Variants in PCDHGA4 observed in about 807,000 individuals in gnomAD.
PCDHGA4 encodes protocadherin gamma-A4.
PCDHGA4 carries 38 observed loss-of-function variants against 54.6 expected under a neutral mutation model. That is an observed-to-expected ratio of 0.70 (90% CI 0.54 to 0.91). The LOEUF is 0.91. Among genes scored for constraint, PCDHGA4 ranks in the 40% least tolerant of loss-of-function variants. The pLI is 0.00. For synonymous variants in PCDHGA4, 511 were observed against 512.9 expected, an observed-to-expected ratio of 1.00 and a Z score of 0.05; for missense variants, 1,298 against 1,220.9, an observed-to-expected ratio of 1.06 and a Z score of -0.94.
rs1459105534 is a variant in PCDHGA4 at position 141,366,603 on chromosome 5, C to T, written c.2514+8982C>T. 5 of 1,614,108 alleles carry T rather than the reference C, an allele frequency of 3.1e-6. No homozygotes were observed. The Admixed American group carries it at 8.3e-5, about 27-fold the overall frequency. ...CTGCAGACCTATTCCCACGAGGTCT[C>T]CCTCACCGCGGACTCGAGGAAGAGT... is the stretch of plus-strand genomic sequence containing the variant. On this transcript the variant is annotated intron_variant, in intron 1 of 3. Transcript: ENST00000571252.
At chr5:141,441,187 AT>A (rs1349788972) in intron 1 of PCDHGA4, 1 of 152,214 alleles carries the variant, frequency 6.6e-6, no homozygotes, top group Non-Finnish European at 1.5e-5. Context: ...TTCCACAATG[AT>A]TCCCAAAGAT....
chr5:141,356,020 A>G lies in PCDHGA4; in HGVS notation c.913A>G (p.Asn305Asp). The G allele has an allele frequency of 6.2e-7, 1 of 1,613,996 alleles. No individual in the cohort carries two copies. The highest frequency in any genetic ancestry group is 2.2e-5 in the East Asian group (1 of 44,886). Residue 305 changes from asparagine (N) to aspartate (D), a missense_variant, in exon 1 of 4, where the codon AAT (asparagine) becomes GAT (aspartate). Physicochemically the swap from Asn to Asp is conservative, Grantham distance 23. Coordinates refer to ENST00000571252, the MANE Select transcript of PCDHGA4 (RefSeq NM_018917.4). ...VKATDPDEGA[N>D]GDVTYSFRKV... ...AGCCACTGATCCAGATGAAGGAGCC[A>G]ATGGAGACGTGACGTATTCTTTCCG...
intron 1 of PCDHGA4, chr5:141,370,765 A>G: frequency 1.2e-6 from 2 of 1,614,018 alleles, no homozygotes; most frequent in South Asian, 1.1e-5. Flanking sequence ...GTGCTGATCC[A>G]GGATATTAAC....
chr5:141,388,404 C>T, intron 1 of PCDHGA4: 1 of 1,613,952 alleles, frequency 6.2e-7, no homozygotes, highest in Non-Finnish European at 8.5e-7. Context: ...CCAACTCAGT[C>T]CCAGTGATCA....
intron 1 of PCDHGA4, chr5:141,427,931 G>C: frequency 6.3e-7 from 1 of 1,583,764 alleles, no homozygotes; most frequent in Non-Finnish European, 8.6e-7. Flanking sequence ...GGCGCATGTT[G>C]GTGGGCGACC....
chr5:141,403,074 A>T (rs777613681), intron 1 of PCDHGA4: 1 of 1,614,088 alleles, frequency 6.2e-7, no homozygotes, highest in South Asian at 1.1e-5. Context: ...GAGACAGAAA[A>T]GGGCTATATT....
intron 1 of PCDHGA4, chr5:141,361,144 A>G: frequency 6.2e-7 from 1 of 1,613,986 alleles, no homozygotes; most frequent in South Asian, 1.1e-5. Flanking sequence ...CCAAGTTGAA[A>G]TTCTTGATGA....
At position 141,382,739 on chromosome 5, in the gene PCDHGA4, G is replaced by A. The variant is rs1005950630; in HGVS notation, c.2514+25118G>A. 8.7e-6 allele frequency: 5 copies of A among 573,776 alleles called. No homozygotes were observed. The African/African-American group carries it at 9.3e-5, about 11-fold the overall frequency. The allele number at this position is 573,776 out of a possible 1,614,324, so 35.5% of individuals were successfully genotyped here. On this transcript the variant is annotated intron_variant, in intron 1 of 3. Coordinates refer to ENST00000571252, the MANE Select transcript of PCDHGA4 (RefSeq NM_018917.4). ...ACCGAGTTTTACAGCACAGAGAAACGACAGATTGCGATAAGCCCTCTTCCA... is the reference window on the plus strand; with the variant it reads ...ACCGAGTTTTACAGCACAGAGAAACAACAGATTGCGATAAGCCCTCTTCCA...
chr5:141,484,236 G>C (rs1272971014), intron 1 of PCDHGA4, among the ~76,000 whole-genome samples: 2 of 152,132 alleles, frequency 1.3e-5, no homozygotes, highest in Non-Finnish European at 2.9e-5. Context: ...AAGAGATCTG[G>C]TCCTTAGCAC....
chr5:141,395,019 C>T (rs374672662), intron 1 of PCDHGA4: 5 of 1,613,986 alleles, frequency 3.1e-6, no homozygotes, highest in South Asian at 1.1e-5. Context: ...GGTAGGCGTG[C>T]CTGCCTCACA....
At chr5:141,479,273 T>G (rs1723290487) in intron 1 of PCDHGA4, 1 of 152,386 alleles carries the variant, frequency 6.6e-6, no homozygotes, top group South Asian at 2.1e-4. Context: ...AGTAATAATT[T>G]ATTTCAAAAA....
chr5:141,395,528 A>T, intron 1 of PCDHGA4: 1 of 368,434 alleles, frequency 2.7e-6, no homozygotes, highest in Non-Finnish European at 4.9e-6. Flanking sequence ...CCATACTGGT[A>T]ATTTTGCTAT....
intron 1 of PCDHGA4, chr5:141,478,121 G>A (rs1393103666): frequency 1.2e-6 from 2 of 1,613,918 alleles, no homozygotes; most frequent in South Asian, 1.1e-5. Flanking sequence ...AGTAACCGAG[G>A]ACTCTCCTGA....
intron 1 of PCDHGA4, chr5:141,395,075 C>A: frequency 6.2e-7 from 1 of 1,614,124 alleles, no homozygotes; most frequent in Non-Finnish European, 8.5e-7. Context: ...AGACCTATTC[C>A]CAGGAAGTCT....
intron 1 of PCDHGA4, chr5:141,422,889 G>A (rs62378455): frequency 0.035 from 55,863 of 1,614,202 alleles, 1,109 homozygotes; most frequent in Middle Eastern, 0.098. Context: ...TGTTCGTGCT[G>A]GACCAGAACG....
In PCDHGA4 at chr5:141,489,801, T is replaced by C. The variant is rs201458939; in HGVS notation, c.2515-5006T>C. 6.2e-7 allele frequency: 1 copy of C among 1,614,148 alleles called. No homozygotes were observed. On this transcript the variant is annotated intron_variant, in intron 1 of 3. Coordinates refer to ENST00000571252, the MANE Select transcript of PCDHGA4 (RefSeq NM_018917.4). The surrounding 1 kb of genome is among the most constrained non-coding windows in gnomAD (Gnocchi z 4.5). The stretch of plus-strand genomic sequence containing the variant: ...CTCTGAATGTGAAGACCCTAAAAGA[T>C]GGGAAGCCATTCCCAGAGCTGGTGC...
chr5:141,408,549 T>C, intron 1 of PCDHGA4: 1 of 1,614,016 alleles, frequency 6.2e-7, no homozygotes, highest in Non-Finnish European at 8.5e-7. Flanking sequence ...CCTTTAAATA[T>C]TTTTCATGTC....
chr5:141,421,766 C>T, intron 1 of PCDHGA4: 2 of 1,613,868 alleles, frequency 1.2e-6, no homozygotes, highest in South Asian at 1.1e-5. Context: ...AATTACTTTT[C>T]CTTGCAACTG....
intron 1 of PCDHGA4, chr5:141,375,538 C>T: frequency 6.2e-7 from 1 of 1,614,018 alleles, no homozygotes; most frequent in Non-Finnish European, 8.5e-7. Context: ...ACCAGAACGC[C>T]CAAGTCTCCT....
Sources: gnomAD v4.1 joint callset for allele counts (sites outside exome capture counted in the v4.1 genomes callset) on GRCh38, gnomAD v4.1.1 for gene constraint, Gnocchi (gnomAD v3.1) non-coding constraint, MANE v1.5 for transcripts, NCBI Gene and HGNC (gene_info 2026-07-23, HGNC 2026-07-21) for gene names.